PREX2: variants seen among roughly 807,000 people sequenced by gnomAD.
The protein encoded by PREX2 is phosphatidylinositol-3,4,5-trisphosphate dependent Rac exchange factor 2, also known as phosphatidylinositol 3,4,5-trisphosphate-dependent Rac exchanger 2 protein.
Under a neutral mutation model 203.2 loss-of-function variants are expected in PREX2, and 107 were observed. The ratio of observed to expected loss-of-function variants is 0.53; its 90% CI spans 0.45 to 0.62. PREX2 has a LOEUF of 0.62. Among genes scored for constraint, PREX2 ranks in the 20% least tolerant of loss-of-function variants. The pLI is 0.00. For synonymous variants in PREX2, 672 were observed against 663.6 expected (o/e 1.01, Z -0.19); for missense variants, 1,777 against 1,955.9 (o/e 0.91, Z 1.72).
At chr8:68,087,251 G>A (rs1431086920) in intron 18 of PREX2, among the ~76,000 whole-genome samples, 1 of 152,158 alleles carries the variant, frequency 6.6e-6, no homozygotes, top group African/African-American at 2.4e-5. Flanking sequence ...AGCAGGTATG[G>A]TGGCTCACAC....
intron 25 of PREX2, among the ~76,000 whole-genome samples, chr8:68,113,082 T>C (rs6994155): frequency 0.023 from 3,535 of 152,238 alleles, 114 homozygotes; most frequent in African/African-American, 0.072. Flanking sequence ...CCAATGAAAG[T>C]GAAGGGATTT....
At chr8:67,960,840 C>T (rs1023797260) in intron 1 of PREX2, among the ~76,000 whole-genome samples, 1 of 151,812 alleles carries the variant, frequency 6.6e-6, no homozygotes, top group Non-Finnish European at 1.5e-5. Flanking sequence ...TGAGCTTGGA[C>T]ATCTGAGGGT....
intron 34 of PREX2, among the ~76,000 whole-genome samples, chr8:68,148,055 C>T (rs4236959): frequency 0.24 from 35,964 of 151,858 alleles, 4,534 homozygotes; most frequent in East Asian, 0.39. Flanking sequence ...GAGACAAGCC[C>T]AGGCAACATG....
chr8:68,083,697 A>G (rs577582867), intron 18 of PREX2, among the ~76,000 whole-genome samples: 1 of 152,318 alleles, frequency 6.6e-6, no homozygotes, highest in African/African-American at 2.4e-5. Context: ...ATTTGAGAAT[A>G]AGGAACTGTG....
intron 35 of PREX2, among the ~76,000 whole-genome samples, chr8:68,160,250 C>G (rs1585836142): frequency 6.6e-6 from 1 of 152,098 alleles, no homozygotes; most frequent in East Asian, 1.9e-4. Context: ...AGACACAACA[C>G]TTTAGAATTT....
intron 1 of PREX2, among the ~76,000 whole-genome samples, chr8:67,982,269 A>T (rs10093184): frequency 0.34 from 51,149 of 151,494 alleles, 9,159 homozygotes; most frequent in East Asian, 0.6. Context: ...ATAAAAATTT[A>T]AAAAAAAGCT....
intron 38 of PREX2, among the ~76,000 whole-genome samples, chr8:68,222,617 C>A (rs750097984): frequency 4.0e-5 from 6 of 150,738 alleles, no homozygotes; most frequent in Non-Finnish European, 7.4e-5. Context: ...CAAGATACAC[C>A]AACAGAGGCT....
At chr8:67,984,540 A>G (rs1320384462) in intron 1 of PREX2, among the ~76,000 whole-genome samples, 5 of 152,158 alleles carry the variant, frequency 3.3e-5, no homozygotes, top group African/African-American at 1.2e-4. Context: ...AATTACTGTG[A>G]GTTGTTCATT....
chr8:68,151,188 AGATGGAAG>A (rs1811426253), intron 34 of PREX2, among the ~76,000 whole-genome samples: 3 of 152,160 alleles, frequency 2.0e-5, no homozygotes, highest in African/African-American at 7.2e-5. Flanking sequence ...TCTGAGGCCA[AGATGGAAG>A]GATCACTTGA....
chr8:68,069,021 C>T lies in PREX2; in HGVS notation c.1340-12C>T, dbSNP rs776747585. ...GTATCGTTATTTTAATATAGTATTT[C>T]TATGTTCTTAGTTACTGATAAACAT... is the stretch of plus-strand genomic sequence containing the variant. On this transcript the variant is annotated splice_polypyrimidine_tract_variant and intron_variant, in intron 11 of 39. Coordinates refer to ENST00000288368, the MANE Select transcript of PREX2 (RefSeq NM_024870.4). 1.2e-5 allele frequency: 14 copies of T among 1,160,892 alleles called. No homozygotes were observed. The highest frequency in any genetic ancestry group is 1.6e-5 in the Non-Finnish European group (13 of 815,074). The allele number at this position is 1,160,892 out of a possible 1,614,324, so 71.9% of individuals were successfully genotyped here.
chr8:68,015,066 A>T lies in PREX2; in HGVS notation c.142-2780A>T, dbSNP rs117737935. Among the ~76,000 whole-genome samples, 1,215 of 152,350 alleles carry T rather than the reference A, an allele frequency of 8.0e-3. 9 individuals carry two copies. Among genetic ancestry groups the T allele is most frequent in the Non-Finnish European group, 0.012 (840 of 68,028 alleles). On this transcript the variant is annotated intron_variant, in intron 1 of 39. Coordinates refer to ENST00000288368, the MANE Select transcript of PREX2 (RefSeq NM_024870.4). ...ATTTTGGACAAGTGGGAATGAATAC[A>T]GAGATAAAACAATGTGTAGAATCCT...
chr8:67,966,878 T>C (rs1805792265), intron 1 of PREX2, among the ~76,000 whole-genome samples: 1 of 152,214 alleles, frequency 6.6e-6, no homozygotes, highest in African/African-American at 2.4e-5. Flanking sequence ...TCAGAGGATA[T>C]AGCACTGACA....
At chr8:67,995,340 A>C (rs554432112) in intron 1 of PREX2, among the ~76,000 whole-genome samples, 8 of 152,182 alleles carry the variant, frequency 5.3e-5, no homozygotes, top group Non-Finnish European at 1.0e-4. Context: ...AAGATAAGTG[A>C]TGGGCACTTT....
chr8:68,092,609 TG>T (rs1351990478), intron 20 of PREX2, among the ~76,000 whole-genome samples: 1 of 152,032 alleles, frequency 6.6e-6, no homozygotes, highest in Non-Finnish European at 1.5e-5. Context: ...AAAAATAGGA[TG>T]TTTTTTATTT....
chr8:67,963,448 A>T (rs1227712672), intron 1 of PREX2, among the ~76,000 whole-genome samples: 1 of 152,224 alleles, frequency 6.6e-6, no homozygotes, highest in African/African-American at 2.4e-5. Context: ...TCCTAAAATC[A>T]TCACATTTTG....
At position 68,093,585 on chromosome 8, in the gene PREX2, C is replaced by T. The variant is rs749411297; in HGVS notation, c.2251-20C>T. The T allele has an allele frequency of 2.3e-6, 3 of 1,289,334 alleles. No homozygotes were observed. Among genetic ancestry groups the T allele is most frequent in the Non-Finnish European group, 3.3e-6 (3 of 897,426 alleles). The allele number at this position is 1,289,334 out of a possible 1,614,324, so 79.9% of individuals were successfully genotyped here. A position where few individuals can be genotyped will look rare whatever the true frequency, so the allele number is the denominator to read the frequency against. On this transcript the variant is annotated intron_variant, in intron 20 of 39. Transcript: ENST00000288368. Reference sequence around the variant, plus strand: ...GGAAGCACTAATACCTCTGAGGTTTCTTTCCCCCCTCATTTCCAGCAAGAT... The same window carrying T: ...GGAAGCACTAATACCTCTGAGGTTTTTTTCCCCCCTCATTTCCAGCAAGAT...
chr8:68,087,352 G>A (rs148333947), intron 18 of PREX2, among the ~76,000 whole-genome samples: 37 of 152,156 alleles, frequency 2.4e-4, no homozygotes, highest in African/African-American at 6.0e-4. Flanking sequence ...GAAACCCTGT[G>A]TTTATGAAAA....
chr8:68,218,163 G>A (rs1812882073), intron 38 of PREX2, among the ~76,000 whole-genome samples: 1 of 152,138 alleles, frequency 6.6e-6, no homozygotes, highest in South Asian at 2.1e-4. Flanking sequence ...CATACTCAGT[G>A]TGTACATTTT....
At chr8:67,955,164 A>G (rs1805465784) in intron 1 of PREX2, among the ~76,000 whole-genome samples, 1 of 150,852 alleles carries the variant, frequency 6.6e-6, no homozygotes, top group Non-Finnish European at 1.5e-5. Context: ...AAAAAAAAAA[A>G]AAAAAAAGAA....
Sources: gnomAD v4.1 joint callset for allele counts (sites outside exome capture counted in the v4.1 genomes callset) on GRCh38, gnomAD v4.1.1 for gene constraint, MANE v1.5 for transcripts, NCBI Gene and HGNC (gene_info 2026-07-23, HGNC 2026-07-21) for gene names.